The following UGT1A9 variants were observed in gnomAD, a reference collection of about 807,000 sequenced individuals.
UGT1A9 encodes UDP glucuronosyltransferase family 1 member A9, also known as UDP-glucuronosyltransferase 1A9.
A neutral mutation model predicts 45.0 loss-of-function variants in UGT1A9; 35 were observed. The observed-to-expected ratio is 0.78, with a 90% CI of 0.59 to 1.03. The LOEUF (loss-of-function observed/expected upper bound fraction) is 1.03. Among genes scored for constraint, UGT1A9 ranks in the 50% least tolerant of loss-of-function variants. UGT1A9 has a pLI of 0.00. For synonymous variants in UGT1A9, 278 were observed against 250.6 expected (o/e 1.11, Z -1.03); for missense variants, 687 against 666.6 (o/e 1.03, Z -0.34).
intron 1 of UGT1A9, chr2:233,747,527 T>C: frequency 6.2e-7 from 1 of 1,605,936 alleles, no homozygotes; most frequent in Non-Finnish European, 8.5e-7. Flanking sequence ...AAACAGAACA[T>C]TTTCTGAAGA....
Position 233,671,974 on chromosome 2 carries a change from G to A in UGT1A9, c.40G>A (p.Val14Met). Residue 14 changes from valine to methionine, a missense_variant, in exon 1 of 5, where the codon GTG becomes ATG. Physicochemically the swap from Val to Met is conservative, Grantham distance 21. Transcript: ENST00000354728. ...TGWTSPLPLCVCLLLTCGFAE... is the reference protein window; with the variant it reads ...TGWTSPLPLCMCLLLTCGFAE... ...GTGGACCAGCCCCCTTCCTCTATGTGTGTGTCTGCTGCTGACCTGTGGCTT... is the reference window on the plus strand; with the variant it reads ...GTGGACCAGCCCCCTTCCTCTATGTATGTGTCTGCTGCTGACCTGTGGCTT... 1 of 1,614,034 alleles carries A rather than the reference G, an allele frequency of 6.2e-7. No individual in the cohort carries two copies.
chr2:233,681,177 G>A (rs1483753857), intron 1 of UGT1A9, among the ~76,000 whole-genome samples: 1 of 151,838 alleles, frequency 6.6e-6, no homozygotes, highest in Non-Finnish European at 1.5e-5. Flanking sequence ...TAAGACCCTT[G>A]CTCTCTTTCC....
chr2:233,744,930 A>G (rs1692966910), intron 1 of UGT1A9, among the ~76,000 whole-genome samples: 1 of 151,906 alleles, frequency 6.6e-6, no homozygotes, highest in African/African-American at 2.4e-5. Flanking sequence ...CTTTTATAAA[A>G]TGACACAGTA....
intron 1 of UGT1A9, among the ~76,000 whole-genome samples, chr2:233,695,942 C>T (rs1440618319): frequency 6.6e-6 from 1 of 152,024 alleles, no homozygotes; most frequent in Non-Finnish European, 1.5e-5. Flanking sequence ...GCAATTCTGC[C>T]AGATACCAGC....
chr2:233,719,636 C>G (rs1397748790), intron 1 of UGT1A9: 2 of 1,614,094 alleles, frequency 1.2e-6, no homozygotes, highest in Non-Finnish European at 1.7e-6. Context: ...TCATGCCCAA[C>G]ATGGTCTTCA....
At chr2:233,684,672 TATG>T (rs1474051329) in intron 1 of UGT1A9, among the ~76,000 whole-genome samples, 2 of 152,140 alleles carry the variant, frequency 1.3e-5, no homozygotes, top group African/African-American at 4.8e-5. Flanking sequence ...GGAATATACA[TATG>T]ATAGGATTTA....
chr2:233,685,750 T>C (rs921568382), intron 1 of UGT1A9, among the ~76,000 whole-genome samples: 1 of 152,254 alleles, frequency 6.6e-6, no homozygotes, highest in Non-Finnish European at 1.5e-5. Flanking sequence ...TTTTCTTCCA[T>C]TTTAAAGAAA....
intron 1 of UGT1A9, among the ~76,000 whole-genome samples, chr2:233,724,345 CCCCACCT>C (rs1279096074): frequency 6.8e-6 from 1 of 147,952 alleles, no homozygotes; most frequent in African/African-American, 2.5e-5. Context: ...GGCTGACCCC[CCCCACCT>C]CCCTCCCGGA....
At chr2:233,715,970 T>C (rs1015053645) in intron 1 of UGT1A9, among the ~76,000 whole-genome samples, 4 of 152,216 alleles carry the variant, frequency 2.6e-5, no homozygotes, top group East Asian at 1.9e-4. Flanking sequence ...GATTGACTGA[T>C]TGATTGATTT....
intron 1 of UGT1A9, among the ~76,000 whole-genome samples, chr2:233,763,988 T>A (rs1006624097): frequency 2.0e-5 from 3 of 152,194 alleles, no homozygotes; most frequent in African/African-American, 7.2e-5. Flanking sequence ...TGGGAATGCG[T>A]GATGGTGAAG....
chr2:233,769,592 C>T lies in UGT1A9; in HGVS notation c.1295+1153C>T, dbSNP rs199786512. ...TGGAGCATGTTCAGATGAGAGGAGA[C>T]GGAACACGGGGACACACCAGCTTGA... On this transcript the variant is annotated intron_variant, in intron 4 of 4. Transcript: ENST00000354728. This position sits in a 1 kb window ranked among gnomAD's most constrained non-coding sequence, Gnocchi z 4.4. The T allele has an allele frequency of 1.8e-3, 2,836 of 1,612,822 alleles. 7 individuals carry two copies. The highest frequency in any genetic ancestry group is 2.6e-3 in the Middle Eastern group (16 of 6,052).
chr2:233,739,954 C>G lies in UGT1A9; in HGVS notation c.856-27080C>G, dbSNP rs28900075. On this transcript the variant is annotated intron_variant, in intron 1 of 4. Coordinates refer to ENST00000354728, the MANE Select transcript of UGT1A9 (RefSeq NM_021027.3). Reference sequence around the variant, plus strand: ...TGTTAAGGTTGGTACCTGGTGGGAGCTGATTGAATCATATCGGCAGTTTTC... The same window carrying G: ...TGTTAAGGTTGGTACCTGGTGGGAGGTGATTGAATCATATCGGCAGTTTTC... Among the ~76,000 whole-genome samples the G allele has an allele frequency of 3.7e-4, 56 of 151,998 alleles. No homozygotes were observed. In the East Asian group the frequency reaches 0.011, roughly 29 times the overall value.
chr2:233,760,825 G>C lies in UGT1A9; in HGVS notation c.856-6209G>C, dbSNP rs1657628450. The C allele has an allele frequency of 2.5e-6, 4 of 1,613,330 alleles. No homozygotes were observed. The Admixed American group carries it at 5.0e-5, about 20-fold the overall frequency. On this transcript the variant is annotated intron_variant, in intron 1 of 4. Coordinates refer to ENST00000354728, the MANE Select transcript of UGT1A9 (RefSeq NM_021027.3). ...CTTGCATGCACTGCCATGCAGCCTG[G>C]AATTTGAGGCTACCCAGTGCCCCAA...
intron 1 of UGT1A9, among the ~76,000 whole-genome samples, chr2:233,708,160 C>T (rs999890937): frequency 3.3e-5 from 5 of 152,062 alleles, no homozygotes; most frequent in African/African-American, 7.2e-5. Flanking sequence ...GGGGAGTTGC[C>T]GGAAAATGGA....
chr2:233,760,380 G>A, intron 1 of UGT1A9: 1 of 1,614,192 alleles, frequency 6.2e-7, no homozygotes, highest in Non-Finnish European at 8.5e-7. Flanking sequence ...GGAAGATACT[G>A]TTGATCCCAG....
At chr2:233,724,343 C>G (rs2077229660) in intron 1 of UGT1A9, among the ~76,000 whole-genome samples, 1 of 142,886 alleles carries the variant, frequency 7.0e-6, no homozygotes, top group Non-Finnish European at 1.5e-5. Context: ...GGGGCTGACC[C>G]CCCCCACCTC....
chr2:233,763,369 C>A (rs1698291426), intron 1 of UGT1A9, among the ~76,000 whole-genome samples: 1 of 152,194 alleles, frequency 6.6e-6, no homozygotes. Flanking sequence ...CCTTTGTCTT[C>A]AAGCTTTCTT....
chr2:233,726,660 C>T (rs1324715982), intron 1 of UGT1A9, among the ~76,000 whole-genome samples: 1 of 152,178 alleles, frequency 6.6e-6, no homozygotes, highest in Non-Finnish European at 1.5e-5. Flanking sequence ...TTAATTTAAT[C>T]ATATCTGTGA....
intron 1 of UGT1A9, among the ~76,000 whole-genome samples, chr2:233,752,728 G>C (rs546811491): frequency 1.3e-5 from 2 of 152,320 alleles, no homozygotes; most frequent in South Asian, 4.1e-4. Flanking sequence ...AACAGCTACA[G>C]AGAGAGACCC....
Sources: allele counts gnomAD v4.1 joint callset (sites outside exome capture counted in the v4.1 genomes callset), GRCh38; gene constraint gnomAD v4.1.1; non-coding constraint Gnocchi (gnomAD v3.1); transcripts MANE v1.5; gene names NCBI Gene and HGNC (gene_info 2026-07-23, HGNC 2026-07-21).